LAMA1: variants seen among roughly 807,000 people sequenced by gnomAD.
LAMA1 encodes laminin subunit alpha-1.
A neutral mutation model predicts 348.7 loss-of-function variants in LAMA1; 219 were observed. The observed-to-expected ratio is 0.63, with a 90% CI of 0.56 to 0.70. The LOEUF (loss-of-function observed/expected upper bound fraction) is 0.70, where lower values mean the gene tolerates loss of function less well. Among genes scored for constraint, LAMA1 ranks in the 30% least tolerant of loss-of-function variants. LAMA1 has a pLI of 0.00. For missense variants in LAMA1, 3,744 were observed against 3,888.0 expected (o/e 0.96, Z 0.99); for synonymous variants, 1,487 against 1,491.0 (o/e 1.00, Z 0.06).
At position 7,007,060 on chromosome 18, in the gene LAMA1, A is replaced by G. The variant is rs915120200; in HGVS notation, c.4260+79T>C. 3.2e-6 allele frequency: 5 copies of G among 1,577,348 alleles called. No individual in the cohort carries two copies. In the African/African-American group the frequency reaches 6.7e-5, roughly 21 times the overall value. On this transcript the variant is annotated intron_variant, in intron 29 of 62. Transcript: ENST00000389658. ...CCTCTCACTAAACCAAGGCACGGCT[A>G]TGACTTAGACCGGAAATCTGACACT...
At chr18:7,011,925 T>C in intron 24 of LAMA1, 70 bp downstream of exon 24, 1 of 1,528,506 alleles carries the variant, frequency 6.5e-7, no homozygotes, top group South Asian at 1.2e-5. Flanking sequence ...CTTGGCTGTG[T>C]TTCCCACCCC....
chr18:7,047,070 A>C (rs552916329), intron 5 of LAMA1, among the ~76,000 whole-genome samples: 39 of 144,060 alleles, frequency 2.7e-4, no homozygotes, highest in African/African-American at 9.7e-4. Flanking sequence ...TTTGAGACAG[A>C]GTCTCGGTCT....
intron 7 of LAMA1, among the ~76,000 whole-genome samples, chr18:7,043,607 T>A (rs1281206991): frequency 6.6e-6 from 1 of 152,134 alleles, no homozygotes; most frequent in Admixed American, 6.5e-5. Context: ...ACATACCCAT[T>A]TGACCCAGCA....
In LAMA1 at chr18:7,074,967, C is replaced by CAAAAAAA. The variant is rs773818069; in HGVS notation, c.345+5001_345+5007dup. Among the ~76,000 whole-genome samples, 16 of 52,266 alleles carry CAAAAAAA rather than the reference C, an allele frequency of 3.1e-4. 3 individuals are homozygous for CAAAAAAA. Among genetic ancestry groups the CAAAAAAA allele is most frequent in the South Asian group, 6.8e-4 (1 of 1,462 alleles). 34.3% of individuals were successfully genotyped at this position (52,266 alleles called of 152,430 possible). A position where few individuals can be genotyped will look rare whatever the true frequency, so the allele number is the denominator to read the frequency against. Reference sequence around the variant, plus strand: ...GATAACCAAACCTAATACATAGAGGCAAAAAAAAAAAAAAAAAAAAAAAAA... The same window carrying CAAAAAAA: ...GATAACCAAACCTAATACATAGAGGCAAAAAAAAAAAAAAAAAAAAAAAAAAAAAAAA... On this transcript the variant is annotated intron_variant, in intron 3 of 62. Coordinates refer to ENST00000389658, the MANE Select transcript of LAMA1 (RefSeq NM_005559.4).
At chr18:7,031,893 A>C (rs1004188668) in intron 16 of LAMA1, among the ~76,000 whole-genome samples, 173 bp downstream of exon 16, 3 of 151,572 alleles carry the variant, frequency 2.0e-5, no homozygotes, top group African/African-American at 4.9e-5. Context: ...AAAAAAACAA[A>C]AAAAAAAACG....
At chr18:7,087,311 T>A (rs2058221751) in intron 1 of LAMA1, among the ~76,000 whole-genome samples, 3 of 152,212 alleles carry the variant, frequency 2.0e-5, no homozygotes, top group African/African-American at 7.2e-5. Context: ...TCTTCCAGAA[T>A]AGGAATGGGT....
chr18:7,049,706 G>A (rs1479694604), intron 4 of LAMA1, among the ~76,000 whole-genome samples: 1 of 152,164 alleles, frequency 6.6e-6, no homozygotes, highest in African/African-American at 2.4e-5. Context: ...CTAGCTTCTT[G>A]TAAAAATATG....
chr18:7,047,340 C>A (rs1035694826), intron 5 of LAMA1, among the ~76,000 whole-genome samples: 1 of 152,090 alleles, frequency 6.6e-6, no homozygotes, highest in Non-Finnish European at 1.5e-5. Context: ...CTGTGCCCGG[C>A]CTTCTTTTTT....
At chr18:7,002,466 G>T in intron 29 of LAMA1, 81 bp from the exon 30 acceptor site, 1 of 1,417,936 alleles carries the variant, frequency 7.1e-7, no homozygotes, top group Non-Finnish European at 9.9e-7. Flanking sequence ...GCTAAGCACT[G>T]CCACGTTTTA....
intron 48 of LAMA1, among the ~76,000 whole-genome samples, chr18:6,968,253 C>T (rs1345456966): frequency 2.6e-5 from 4 of 152,284 alleles, no homozygotes; most frequent in East Asian, 1.9e-4. Flanking sequence ...CGCTCAGCCC[C>T]GTGAGTCTGG....
chr18:7,095,945 G>A (rs978936924), intron 1 of LAMA1, among the ~76,000 whole-genome samples: 1 of 152,198 alleles, frequency 6.6e-6, no homozygotes, highest in African/African-American at 2.4e-5. Context: ...GCAGGCGCCT[G>A]TAATTCCAGT....
chr18:7,026,715 C>T lies in LAMA1; in HGVS notation c.2275-609G>A, dbSNP rs562554950. Among the ~76,000 whole-genome samples the T allele has an allele frequency of 9.2e-5, 14 of 152,168 alleles. No homozygotes were observed. In the East Asian group the frequency reaches 2.7e-3, roughly 30 times the overall value. ...ATTTTTTTAAAAAAATGATCATATT[C>T]GGCCAGGTGCGGTGGCTCATGCCTG... is the stretch of plus-strand genomic sequence containing the variant. On this transcript the variant is annotated intron_variant, in intron 16 of 62. Transcript: ENST00000389658.
chr18:7,047,274 A>C (rs902177745), intron 5 of LAMA1, among the ~76,000 whole-genome samples: 75 of 151,976 alleles, frequency 4.9e-4, no homozygotes, highest in African/African-American at 1.7e-3. Flanking sequence ...TGATCTCCTG[A>C]CCTCGTGATC....
Position 6,975,073 on chromosome 18 carries a change from A to C in LAMA1, c.6490-37T>G, listed in dbSNP as rs148481495. 2,209 of 1,607,422 alleles carry C rather than the reference A, an allele frequency of 1.4e-3. 22 individuals are homozygous for C. The African/African-American group carries it at 0.027, about 19-fold the overall frequency. On this transcript the variant is annotated intron_variant, in intron 45 of 62. Coordinates refer to ENST00000389658, the MANE Select transcript of LAMA1 (RefSeq NM_005559.4). ...GGAATGAACGGGGATCAGTTTACACACTGGACTGTTTGCTGACCACCACAA... is the reference window on the plus strand; with the variant it reads ...GGAATGAACGGGGATCAGTTTACACCCTGGACTGTTTGCTGACCACCACAA...
At chr18:7,018,642 G>A (rs535656419) in intron 19 of LAMA1, among the ~76,000 whole-genome samples, 70 of 152,160 alleles carry the variant, frequency 4.6e-4, no homozygotes, top group African/African-American at 1.6e-3. Flanking sequence ...TGATCTGCCC[G>A]CCTCGGCCTT....
At chr18:7,034,110 G>A (rs534133768) in intron 14 of LAMA1, among the ~76,000 whole-genome samples, 4 of 152,166 alleles carry the variant, frequency 2.6e-5, no homozygotes, top group African/African-American at 9.7e-5. Flanking sequence ...AATGACCAAC[G>A]ATGGATACGT....
chr18:6,998,584 T>C lies in LAMA1; in HGVS notation c.4664-700A>G, dbSNP rs549195626. The stretch of plus-strand genomic sequence containing the variant: ...AGAATAGTGGGGGTGTTTGTGCTTA[T>C]AACCCACACAAAAGTCAAAGCAAAA... On this transcript the variant is annotated intron_variant, in intron 32 of 62. Transcript: ENST00000389658. Among the ~76,000 whole-genome samples, 4 of 152,246 alleles carry C rather than the reference T, an allele frequency of 2.6e-5. No homozygotes were observed. In the East Asian group the frequency reaches 7.7e-4, roughly 29 times the overall value.
chr18:7,102,403 G>A (rs61061802), intron 1 of LAMA1, among the ~76,000 whole-genome samples: 17,283 of 151,760 alleles, frequency 0.11, 1,074 homozygotes, highest in East Asian at 0.18. Flanking sequence ...TTAAAGCCAT[G>A]CAGGTAGAGT....
intron 14 of LAMA1, 54 bp downstream of exon 14, chr18:7,034,425 A>G (rs1487777137): frequency 1.1e-5 from 14 of 1,295,176 alleles, no homozygotes; most frequent in Non-Finnish European, 1.1e-5. Flanking sequence ...GAATAAACAA[A>G]CATAAAATGG....
Sources: allele counts gnomAD v4.1 joint callset (sites outside exome capture counted in the v4.1 genomes callset), GRCh38; gene constraint gnomAD v4.1.1; transcripts MANE v1.5; gene names NCBI Gene and HGNC (gene_info 2026-07-23, HGNC 2026-07-21).